The following CTNND2 variants were observed in gnomAD, a reference collection of about 807,000 sequenced individuals.
CTNND2 encodes catenin delta-2.
A neutral mutation model predicts 144.4 loss-of-function variants in CTNND2; 22 were observed. That is an observed-to-expected ratio of 0.15 (90% CI 0.11 to 0.22). The LOEUF is 0.22. Ranked by LOEUF, CTNND2 falls within the 10% of genes least tolerant of loss-of-function variation. The pLI, the probability that CTNND2 is intolerant of heterozygous loss-of-function variation, is 1.00. For missense variants in CTNND2, 1,353 were observed against 1,618.8 expected, an observed-to-expected ratio of 0.84 and a Z score of 2.82; for synonymous variants, 751 against 695.6, an observed-to-expected ratio of 1.08 and a Z score of -1.25.
At chr5:11,548,300 G>A (rs1775437364) in intron 3 of CTNND2, among the ~76,000 whole-genome samples, 1 of 152,146 alleles carries the variant, frequency 6.6e-6, no homozygotes. Context: ...ACAATGAGGA[G>A]GGGGCCTAGA....
At chr5:11,746,589 A>G (rs1341778813) in intron 1 of CTNND2, among the ~76,000 whole-genome samples, 1 of 152,182 alleles carries the variant, frequency 6.6e-6, no homozygotes, top group African/African-American at 2.4e-5. Flanking sequence ...TGCAATTAAA[A>G]GTGTTACTAA....
intron 3 of CTNND2, among the ~76,000 whole-genome samples, chr5:11,554,533 C>G (rs550118716): frequency 2.0e-5 from 3 of 149,748 alleles, no homozygotes; most frequent in South Asian, 4.2e-4. Flanking sequence ...AATGTTCTAT[C>G]TACAAAATAA....
At chr5:11,867,714 A>G (rs1327732438) in intron 1 of CTNND2, among the ~76,000 whole-genome samples, 1 of 152,124 alleles carries the variant, frequency 6.6e-6, no homozygotes, top group Non-Finnish European at 1.5e-5. Context: ...AAAGACACTG[A>G]CCCTAAATCA....
intron 18 of CTNND2, among the ~76,000 whole-genome samples, chr5:11,016,416 G>C (rs1741605205): frequency 6.6e-6 from 1 of 152,232 alleles, no homozygotes; most frequent in Admixed American, 6.5e-5. Context: ...CTCTAACTTA[G>C]TTGAGACAGC....
chr5:11,641,923 A>G (rs1048124714), intron 2 of CTNND2, among the ~76,000 whole-genome samples: 1 of 152,090 alleles, frequency 6.6e-6, no homozygotes, highest in African/African-American at 2.4e-5. Context: ...AACAATTTAC[A>G]TGTTTAAAAT....
chr5:11,283,134 G>T (rs1186918151), intron 9 of CTNND2, among the ~76,000 whole-genome samples: 1 of 152,100 alleles, frequency 6.6e-6, no homozygotes, highest in Non-Finnish European at 1.5e-5. Flanking sequence ...CATGTTTACT[G>T]AAGAAATTCT....
intron 10 of CTNND2, among the ~76,000 whole-genome samples, chr5:11,208,974 A>C (rs1225501704): frequency 6.6e-6 from 1 of 152,114 alleles, no homozygotes; most frequent in Admixed American, 6.5e-5. Context: ...AGTGACGTTG[A>C]GTCTTTGAAT....
intron 5 of CTNND2, among the ~76,000 whole-genome samples, chr5:11,404,771 C>T (rs887003400): frequency 7.2e-5 from 11 of 151,850 alleles, no homozygotes; most frequent in Non-Finnish European, 1.3e-4. Flanking sequence ...GGGTGCCCCA[C>T]CATGCCCGGC....
intron 10 of CTNND2, among the ~76,000 whole-genome samples, chr5:11,222,321 C>T (rs1208685282): frequency 3.3e-5 from 5 of 152,182 alleles, no homozygotes; most frequent in African/African-American, 9.7e-5. Context: ...CATCATTGTT[C>T]GCAAGTCATG....
At chr5:11,014,108 C>T (rs1741367625) in intron 18 of CTNND2, among the ~76,000 whole-genome samples, 1 of 151,752 alleles carries the variant, frequency 6.6e-6, no homozygotes, top group Non-Finnish European at 1.5e-5. Context: ...AGTTTTGGGT[C>T]CCAACCAATG....
At chr5:11,039,245 A>G (rs1744415088) in intron 16 of CTNND2, among the ~76,000 whole-genome samples, 1 of 152,246 alleles carries the variant, frequency 6.6e-6, no homozygotes, top group Non-Finnish European at 1.5e-5. Context: ...ACCTTGTGAG[A>G]AAACTGCTGT....
intron 2 of CTNND2, among the ~76,000 whole-genome samples, chr5:11,720,372 C>T (rs1786600908): frequency 6.6e-6 from 1 of 152,184 alleles, no homozygotes; most frequent in Non-Finnish European, 1.5e-5. Context: ...TAAAGTTCCT[C>T]AAGTTTGTAA....
intron 2 of CTNND2, among the ~76,000 whole-genome samples, chr5:11,702,411 A>G (rs1001008888): frequency 4.6e-5 from 7 of 152,220 alleles, no homozygotes; most frequent in African/African-American, 1.7e-4. Flanking sequence ...GTTACATGGA[A>G]TACATGAAGG....
intron 15 of CTNND2, among the ~76,000 whole-genome samples, chr5:11,085,795 G>C (rs1383156900): frequency 6.6e-6 from 1 of 152,210 alleles, no homozygotes; most frequent in African/African-American, 2.4e-5. Context: ...CTGATCCCTG[G>C]AGTCCTCCTG....
chr5:11,839,641 G>A (rs1040106625), intron 1 of CTNND2, among the ~76,000 whole-genome samples: 2 of 152,100 alleles, frequency 1.3e-5, no homozygotes, highest in South Asian at 2.1e-4. Flanking sequence ...CACCTTGGGC[G>A]CCTCTCCCAA....
intron 12 of CTNND2, among the ~76,000 whole-genome samples, chr5:11,128,490 T>C (rs1415517606): frequency 6.6e-6 from 1 of 151,334 alleles, no homozygotes; most frequent in Non-Finnish European, 1.5e-5. Context: ...TTTTGTTTTT[T>C]TAAGTCATGG....
rs1340577952 is a variant in CTNND2 at position 11,128,982 on chromosome 5, TATATATA to T, written c.2160-11422_2160-11416del. On this transcript the variant is annotated intron_variant, in intron 12 of 21. Coordinates refer to ENST00000304623, the MANE Select transcript of CTNND2 (RefSeq NM_001332.4). ...ATATATATAATATATAATATATAAA[TATATATA>T]ATATATAATATATAAATATATATTA... Among the ~76,000 whole-genome samples the T allele has an allele frequency of 8.1e-4, 37 of 45,410 alleles. 2 individuals are homozygous for T. The highest frequency in any genetic ancestry group is 3.3e-3 in the Admixed American group (7 of 2,098). 29.8% of individuals were successfully genotyped at this position (45,410 alleles called of 152,430 possible).
At chr5:11,379,120 G>A (rs978245298) in intron 7 of CTNND2, among the ~76,000 whole-genome samples, 3 of 152,118 alleles carry the variant, frequency 2.0e-5, no homozygotes, top group Non-Finnish European at 4.4e-5. Flanking sequence ...TACAAATCCC[G>A]AAAGTGAAAG....
At chr5:11,792,332 A>G (rs1405183542) in intron 1 of CTNND2, among the ~76,000 whole-genome samples, 1 of 152,158 alleles carries the variant, frequency 6.6e-6, no homozygotes, top group Non-Finnish European at 1.5e-5. Flanking sequence ...AAACTGTCTA[A>G]ATGTGTACAT....
Sources: gnomAD v4.1 joint callset for allele counts (sites outside exome capture counted in the v4.1 genomes callset) on GRCh38, gnomAD v4.1.1 for gene constraint, MANE v1.5 for transcripts, NCBI Gene and HGNC (gene_info 2026-07-23, HGNC 2026-07-21) for gene names.